Variants in TAFA2 observed in about 807,000 individuals in gnomAD.
The protein encoded by TAFA2 is chemokine-like protein TAFA-2.
Under a neutral mutation model 18.8 loss-of-function variants are expected in TAFA2, and 7 were observed. That is an observed-to-expected ratio of 0.37 (90% CI 0.21 to 0.70). The LOEUF is 0.70. TAFA2 is among the 30% of genes least tolerant of loss of function. The probability of loss-of-function intolerance (pLI) is 0.53; values close to 1 mark genes in which losing one functional copy is unlikely to be tolerated. For missense variants in TAFA2, 122 were observed against 158.1 expected, an observed-to-expected ratio of 0.77 and a Z score of 1.23; for synonymous variants, 60 against 54.2, an observed-to-expected ratio of 1.11 and a Z score of -0.47.
chr12:62,076,925 A>T (rs550889507), intron 1 of TAFA2, among the ~76,000 whole-genome samples: 10 of 152,326 alleles, frequency 6.6e-5, no homozygotes. Context: ...TCTGAGAAGG[A>T]GAAAAGAGCT....
chr12:62,060,517 T>A (rs1372202971), intron 1 of TAFA2, among the ~76,000 whole-genome samples: 1 of 152,224 alleles, frequency 6.6e-6, no homozygotes, highest in East Asian at 1.9e-4. Context: ...TAACAATAAA[T>A]GACAATGTTA....
intron 1 of TAFA2, among the ~76,000 whole-genome samples, chr12:62,043,329 T>A (rs1592301070): frequency 1.3e-5 from 2 of 152,124 alleles, no homozygotes; most frequent in Non-Finnish European, 2.9e-5. Flanking sequence ...TGGATGAAAC[T>A]GGAAACCATC....
At chr12:61,786,035 G>C (rs780821606) in intron 2 of TAFA2, among the ~76,000 whole-genome samples, 4 of 151,564 alleles carry the variant, frequency 2.6e-5, no homozygotes, top group Admixed American at 6.6e-5. Context: ...GCTGCATAGA[G>C]AGAGGGCAGG....
intron 1 of TAFA2, among the ~76,000 whole-genome samples, chr12:62,090,446 T>C (rs374468112): frequency 6.6e-6 from 1 of 152,106 alleles, no homozygotes; most frequent in Admixed American, 6.6e-5. Flanking sequence ...CATTTTTTAC[T>C]GTATGAAGAA....
intron 1 of TAFA2, among the ~76,000 whole-genome samples, chr12:62,244,480 C>T (rs2062876039): frequency 6.6e-6 from 1 of 152,024 alleles, no homozygotes. Flanking sequence ...CATCCACAAT[C>T]GTTTACTATT....
At chr12:62,052,272 T>C (rs1189216410) in intron 1 of TAFA2, among the ~76,000 whole-genome samples, 1 of 152,176 alleles carries the variant, frequency 6.6e-6, no homozygotes, top group African/African-American at 2.4e-5. Context: ...CACAACTCAC[T>C]GCAGTCTCAA....
Position 61,839,841 on chromosome 12 carries a change from A to T in TAFA2, c.106+27479T>A, listed in dbSNP as rs117310225. On this transcript the variant is annotated intron_variant, in intron 2 of 4. Coordinates refer to ENST00000416284, the MANE Select transcript of TAFA2 (RefSeq NM_178539.5). ...ATATACCCAAGTAAAAAATCTCTACATGTACCCCCTGAACCTAAAATAAAA... is the reference window on the plus strand; with the variant it reads ...ATATACCCAAGTAAAAAATCTCTACTTGTACCCCCTGAACCTAAAATAAAA... Among the ~76,000 whole-genome samples the T allele has an allele frequency of 1.6e-3, 236 of 152,156 alleles. 5 individuals carry two copies. The East Asian group carries it at 0.041, about 27-fold the overall frequency.
chr12:62,088,880 TTCTCTCTC>T (rs35124773), intron 1 of TAFA2, among the ~76,000 whole-genome samples: 30 of 149,302 alleles, frequency 2.0e-4, no homozygotes, highest in East Asian at 1.4e-3. Flanking sequence ...ATGTTTTTCT[TTCTCTCTC>T]TCTCTCTCTC....
At chr12:61,913,587 G>A (rs1267745405) in intron 1 of TAFA2, among the ~76,000 whole-genome samples, 10 of 152,216 alleles carry the variant, frequency 6.6e-5, no homozygotes, top group Admixed American at 6.5e-4. Flanking sequence ...CCAGGAGGGT[G>A]TGAATCACAG....
At chr12:61,939,480 T>C (rs1460988530) in intron 1 of TAFA2, among the ~76,000 whole-genome samples, 2 of 152,216 alleles carry the variant, frequency 1.3e-5, no homozygotes, top group Non-Finnish European at 2.9e-5. Context: ...AACTTTCTAA[T>C]AAAGTTATTC....
chr12:61,898,675 G>T (rs999346024), intron 1 of TAFA2, among the ~76,000 whole-genome samples: 12 of 152,142 alleles, frequency 7.9e-5, no homozygotes. Flanking sequence ...TGCCCATGAA[G>T]CCATTTTTTC....
intron 1 of TAFA2, among the ~76,000 whole-genome samples, chr12:61,908,763 C>A (rs1876476685): frequency 6.6e-6 from 1 of 152,080 alleles, no homozygotes; most frequent in South Asian, 2.1e-4. Flanking sequence ...TTAGGCAAAC[C>A]TCTTTATGGA....
intron 4 of TAFA2, among the ~76,000 whole-genome samples, chr12:61,746,687 T>A (rs568173997): frequency 1.1e-4 from 17 of 152,200 alleles, no homozygotes; most frequent in African/African-American, 4.1e-4. Flanking sequence ...ATGGCAGCAA[T>A]AAAAAGATGA....
At chr12:61,881,035 G>A (rs891206188) in intron 1 of TAFA2, among the ~76,000 whole-genome samples, 2 of 151,922 alleles carry the variant, frequency 1.3e-5, no homozygotes, top group East Asian at 1.9e-4. Context: ...GTTTGATAAT[G>A]AAAACAATTC....
intron 1 of TAFA2, chr12:62,234,333 T>G (rs544090402): frequency 5.5e-5 from 29 of 530,400 alleles, no homozygotes; most frequent in South Asian, 4.8e-4. Flanking sequence ...GCCTCTCCTC[T>G]GAGCAGTTGC....
At chr12:62,255,260 G>A (rs1420434101) in intron 1 of TAFA2, 2 of 152,084 alleles carry the variant, frequency 1.3e-5, no homozygotes, top group Non-Finnish European at 2.9e-5. Context: ...AGACTTCAGA[G>A]GCTGCTTAAA....
At chr12:61,955,634 TA>T (rs1878659461) in intron 1 of TAFA2, among the ~76,000 whole-genome samples, 1 of 9,290 alleles carries the variant, frequency 1.1e-4, no homozygotes. Context: ...AAAAAAAAAA[TA>T]TATATATATA....
intron 1 of TAFA2, chr12:62,255,020 T>C (rs529624680): frequency 6.6e-6 from 1 of 152,230 alleles, no homozygotes; most frequent in Non-Finnish European, 1.5e-5. Flanking sequence ...TTTGGTAGTA[T>C]AGATTTCCAA....
At chr12:61,827,218 T>C (rs1475185259) in intron 2 of TAFA2, 1 of 152,044 alleles carries the variant, frequency 6.6e-6, no homozygotes, top group Non-Finnish European at 1.5e-5. Flanking sequence ...ACTAAGGGGC[T>C]TGAGCAACAA....
Sources: allele counts gnomAD v4.1 joint callset (sites outside exome capture counted in the v4.1 genomes callset), GRCh38; gene constraint gnomAD v4.1.1; transcripts MANE v1.5; gene names NCBI Gene and HGNC (gene_info 2026-07-23, HGNC 2026-07-21).